PCNX1: variants seen among roughly 807,000 people sequenced by gnomAD.
The protein encoded by PCNX1 is pecanex-like protein 1.
Under a neutral mutation model 242.2 loss-of-function variants are expected in PCNX1, and 78 were observed. The observed-to-expected ratio is 0.32, with a 90% CI of 0.27 to 0.39. PCNX1 has a LOEUF of 0.39. PCNX1 is among the 10% of genes least tolerant of loss of function. The pLI is 1.00. For synonymous variants in PCNX1, 1,024 were observed against 1,032.9 expected, an observed-to-expected ratio of 0.99 and a Z score of 0.17; for missense variants, 2,581 against 2,856.5, an observed-to-expected ratio of 0.90 and a Z score of 2.20.
chr14:70,907,710 C>T lies in PCNX1; in HGVS notation c.-141C>T. The T allele has an allele frequency of 9.5e-7, 1 of 1,055,474 alleles. No individual in the cohort carries two copies. The highest frequency in any genetic ancestry group is 1.2e-6 in the Non-Finnish European group (1 of 846,886). The allele number at this position is 1,055,474 out of a possible 1,614,324, so 65.4% of individuals were successfully genotyped here. ...CTCCTCCTGCAGCAGCACCAGCGAC[C>T]GCCGAAGCGCCGGCTCGCTCACCCG... On this transcript the variant is annotated 5_prime_UTR_variant, in exon 1 of 36. Transcript: ENST00000304743.
At chr14:71,077,457 C>T (rs1242607738) in intron 28 of PCNX1, among the ~76,000 whole-genome samples, 4 of 152,208 alleles carry the variant, frequency 2.6e-5, no homozygotes, top group African/African-American at 4.8e-5. Context: ...ACCATCTTCA[C>T]GTTTAGCACT....
At chr14:70,920,318 C>T (rs187039638) in intron 1 of PCNX1, among the ~76,000 whole-genome samples, 1 of 152,242 alleles carries the variant, frequency 6.6e-6, no homozygotes, top group East Asian at 1.9e-4. Context: ...TGTACTTTTT[C>T]TGTTTCAAGA....
At chr14:71,033,802 A>T in intron 17 of PCNX1, 129 bp from the exon 18 acceptor site, 1 of 641,926 alleles carries the variant, frequency 1.6e-6, no homozygotes, top group East Asian at 2.8e-5. Flanking sequence ...AACATTTTAG[A>T]ATTTCTCATT....
At chr14:70,969,239 A>G (rs1285850514) in intron 5 of PCNX1, 129 bp downstream of exon 5, 1 of 661,494 alleles carries the variant, frequency 1.5e-6, no homozygotes, top group Non-Finnish European at 2.7e-6. Context: ...ACATTAACAT[A>G]AAATGTTATG....
At chr14:70,993,584 A>G (rs945966998) in intron 7 of PCNX1, among the ~76,000 whole-genome samples, 3 of 152,028 alleles carry the variant, frequency 2.0e-5, no homozygotes, top group Non-Finnish European at 2.9e-5. Context: ...TGTATATTGG[A>G]TATACATTGT....
In PCNX1 at chr14:71,032,042, G is replaced by A. The variant is rs1027582751; in HGVS notation, c.3559-1387G>A. 11 of 781,794 alleles carry A rather than the reference G, an allele frequency of 1.4e-5. No individual in the cohort carries two copies. In the African/African-American group the frequency reaches 1.7e-4, roughly 12 times the overall value. 48.4% of individuals were successfully genotyped at this position (781,794 alleles called of 1,614,324 possible). A position where few individuals can be genotyped will look rare whatever the true frequency, so the allele number is the denominator to read the frequency against. Reference sequence around the variant, plus strand: ...CACACAAGGAGTGGGTTTAAGAGTGGAAAGATTAATAGACAAAGAAGAAGA... The same window carrying A: ...CACACAAGGAGTGGGTTTAAGAGTGAAAAGATTAATAGACAAAGAAGAAGA... On this transcript the variant is annotated intron_variant, in intron 16 of 35. Transcript: ENST00000304743.
intron 1 of PCNX1, among the ~76,000 whole-genome samples, chr14:70,927,217 A>C (rs1455836697): frequency 1.3e-5 from 2 of 152,184 alleles, no homozygotes; most frequent in East Asian, 1.9e-4. Context: ...TCTGAGACTT[A>C]ATAGGTGTTC....
chr14:70,908,767 T>A (rs1054229457), intron 1 of PCNX1, among the ~76,000 whole-genome samples: 1 of 152,218 alleles, frequency 6.6e-6, no homozygotes, highest in Non-Finnish European at 1.5e-5. Flanking sequence ...TTTGTTTGGC[T>A]TGGTTCAAGG....
intron 16 of PCNX1, among the ~76,000 whole-genome samples, chr14:71,032,972 G>A (rs2060431192): frequency 1.3e-5 from 2 of 152,230 alleles, no homozygotes; most frequent in African/African-American, 4.8e-5. Context: ...AAGGCATCAA[G>A]AAAGTAACAC....
chr14:71,070,730 G>A (rs2061567004), intron 26 of PCNX1, among the ~76,000 whole-genome samples: 1 of 152,118 alleles, frequency 6.6e-6, no homozygotes, highest in African/African-American at 2.4e-5. Context: ...ACAGTTAGAG[G>A]AAATTTAGCA....
At chr14:71,003,590 A>C (rs1167265944) in intron 8 of PCNX1, among the ~76,000 whole-genome samples, 2 of 152,216 alleles carry the variant, frequency 1.3e-5, no homozygotes, top group African/African-American at 2.4e-5. Context: ...TTTGAAATAA[A>C]ATGTGAGTGG....
chr14:70,936,193 C>T (rs919510816), intron 1 of PCNX1, among the ~76,000 whole-genome samples: 5 of 152,090 alleles, frequency 3.3e-5, no homozygotes, highest in African/African-American at 1.2e-4. Flanking sequence ...AGCTTTGTCA[C>T]ATATGTATAC....
chr14:70,963,087 G>A (rs983918838), intron 3 of PCNX1, among the ~76,000 whole-genome samples: 1 of 152,150 alleles, frequency 6.6e-6, no homozygotes, highest in Non-Finnish European at 1.5e-5. Context: ...GGACTAGACC[G>A]CACTTCTCAC....
chr14:71,108,996 C>A lies in PCNX1; in HGVS notation c.6694C>A (p.Pro2232Thr). 6.2e-7 allele frequency: 1 copy of A among 1,614,116 alleles called. No homozygotes were observed. The highest frequency in any genetic ancestry group is 8.5e-7 in the Non-Finnish European group (1 of 1,179,982). ...TGCACAGCCAGGCAACACCTTAAGT[C>A]CTGCCAACAATTCACACTCCAGAAA... is the stretch of plus-strand genomic sequence containing the variant. Reference protein sequence around the residue: ...TDAQPGNTLSPANNSHSRKAE... With the variant: ...TDAQPGNTLSTANNSHSRKAE... The change falls in exon 34 of 36, where the codon CCT becomes ACT. Residue 2232 changes from proline (P) to threonine (T), a missense_variant. Pro to Thr is a conservative substitution (Grantham distance 38, BLOSUM62 -1). Transcript: ENST00000304743.
At chr14:70,928,716 C>T (rs960927133) in intron 1 of PCNX1, among the ~76,000 whole-genome samples, 1 of 152,116 alleles carries the variant, frequency 6.6e-6, no homozygotes, top group African/African-American at 2.4e-5. Flanking sequence ...TCAGTTTTTA[C>T]TTTGGGAATT....
chr14:70,949,308 T>C (rs1463265265), intron 2 of PCNX1, among the ~76,000 whole-genome samples: 4 of 148,218 alleles, frequency 2.7e-5, no homozygotes, highest in African/African-American at 9.9e-5. Context: ...CACACATATG[T>C]GTGTAGATAC....
chr14:70,976,335 T>C (rs1236922828), intron 5 of PCNX1, among the ~76,000 whole-genome samples: 2 of 151,780 alleles, frequency 1.3e-5, no homozygotes, highest in Non-Finnish European at 2.9e-5. Context: ...AGGCCTATTT[T>C]AAGTATAGTC....
chr14:71,081,782 T>C (rs918966066), intron 28 of PCNX1, among the ~76,000 whole-genome samples: 1 of 152,046 alleles, frequency 6.6e-6, no homozygotes, highest in Non-Finnish European at 1.5e-5. Flanking sequence ...TAACTAGCAG[T>C]CTATTTGTTG....
chr14:70,949,383 A>G (rs569008601), intron 2 of PCNX1, among the ~76,000 whole-genome samples: 1 of 91,632 alleles, frequency 1.1e-5, no homozygotes, highest in East Asian at 2.5e-4. Flanking sequence ...ACATACGTGT[A>G]TATACATATG....
Sources: gnomAD v4.1 joint callset for allele counts (sites outside exome capture counted in the v4.1 genomes callset) on GRCh38, gnomAD v4.1.1 for gene constraint, MANE v1.5 for transcripts, NCBI Gene and HGNC (gene_info 2026-07-23, HGNC 2026-07-21) for gene names.